The following ATP9A variants were observed in gnomAD, a reference collection of about 807,000 sequenced individuals.
ATP9A encodes probable phospholipid-transporting ATPase IIA.
Under a neutral mutation model 144.1 loss-of-function variants are expected in ATP9A, and 52 were observed. The ratio of observed to expected loss-of-function variants is 0.36; its 90% confidence interval spans 0.29 to 0.45. The LOEUF is 0.45. ATP9A is among the 20% of genes least tolerant of loss of function. The pLI, the probability that ATP9A is intolerant of heterozygous loss-of-function variation, is 1.00. For missense variants in ATP9A, 947 were observed against 1,392.7 expected (o/e 0.68, Z 5.09); for synonymous variants, 582 against 557.4 (o/e 1.04, Z -0.62).
intron 14 of ATP9A, among the ~76,000 whole-genome samples, chr20:51,644,267 C>CTTTTTTTT (rs772071945): frequency 1.4e-4 from 11 of 76,012 alleles, no homozygotes; most frequent in Non-Finnish European, 1.8e-4. Context: ...TTACTTCTAG[C>CTTTTTTTT]TTTTTTTTTT....
At chr20:51,753,454 AAACAACAAC>A (rs11472926) in intron 1 of ATP9A, among the ~76,000 whole-genome samples, 17,629 of 149,126 alleles carry the variant, frequency 0.12, 2,791 homozygotes, top group African/African-American at 0.37. Flanking sequence ...CCGTCTCAAA[AAACAACAAC>A]AACAACAACA....
rs61532574 is a variant in ATP9A at position 51,745,639 on chromosome 20, C to T, written c.69-15661G>A. Among the ~76,000 whole-genome samples, 1,267 of 152,048 alleles carry T rather than the reference C, an allele frequency of 8.3e-3. 23 individuals carry two copies. Among genetic ancestry groups the T allele is most frequent in the African/African-American group, 0.029 (1,202 of 41,472 alleles). ...TAAACATCCTACAATGCCCAGGAGA[C>T]CCCCCACCAGAGAGTGTAATCTGGC... On this transcript the variant is annotated intron_variant, in intron 1 of 27. Coordinates refer to ENST00000338821, the MANE Select transcript of ATP9A (RefSeq NM_006045.3).
At chr20:51,688,351 G>A (rs535376853) in intron 9 of ATP9A, among the ~76,000 whole-genome samples, 125 of 152,278 alleles carry the variant, frequency 8.2e-4, no homozygotes, top group African/African-American at 2.9e-3. Context: ...CCAGCACTTA[G>A]GGAGGCTGAG....
chr20:51,675,794 T>G (rs2077474372), intron 10 of ATP9A, among the ~76,000 whole-genome samples: 1 of 151,290 alleles, frequency 6.6e-6, no homozygotes, highest in African/African-American at 2.4e-5. Context: ...TTGGGAGGAT[T>G]GCTTGAGCCC....
rs1200895074 is a variant in ATP9A, at chr20:51,599,058, A to G, written c.*2153T>C. 1 of 152,150 alleles carries G rather than the reference A, an allele frequency of 6.6e-6. No individual in the cohort carries two copies. The highest frequency in any genetic ancestry group is 1.5e-5 in the Non-Finnish European group (1 of 68,028). 9.4% of individuals were successfully genotyped at this position (152,150 alleles called of 1,614,324 possible). A position where few individuals can be genotyped will look rare whatever the true frequency, so the allele number is the denominator to read the frequency against. ...TTTAAAAGTCAACTTGTGCACCTCA[A>G]TCAAAATTGAGAATTAAGGAAAAGG... On this transcript the variant is annotated 3_prime_UTR_variant, in exon 28 of 28. Transcript: ENST00000338821.
chr20:51,751,261 G>GTTTTTTTTTTT (rs201983884), intron 1 of ATP9A, among the ~76,000 whole-genome samples: 5 of 115,502 alleles, frequency 4.3e-5, no homozygotes, highest in Non-Finnish European at 3.5e-5. Context: ...GGTTTTTTTT[G>GTTTTTTTTTTT]TTTTTTTTTT....
At chr20:51,720,272 A>T (rs779352154) in intron 3 of ATP9A, among the ~76,000 whole-genome samples, 5 of 152,208 alleles carry the variant, frequency 3.3e-5, no homozygotes, top group Non-Finnish European at 7.3e-5. Context: ...GATAAATGTT[A>T]TTTTATATAC....
intron 14 of ATP9A, among the ~76,000 whole-genome samples, chr20:51,653,262 G>C (rs750412153): frequency 4.0e-5 from 6 of 151,680 alleles, no homozygotes; most frequent in Non-Finnish European, 8.8e-5. Context: ...ATCCACAGAA[G>C]AGATAAAGTA....
At chr20:51,605,073 G>T in intron 26 of ATP9A, 53 bp from the exon 27 acceptor site, 1 of 1,454,446 alleles carries the variant, frequency 6.9e-7, no homozygotes, top group Non-Finnish European at 9.2e-7. Context: ...AAAGCCGTGC[G>T]CTGCTCGCCT....
intron 4 of ATP9A, 95 bp from the exon 5 acceptor site, chr20:51,697,577 C>T: frequency 9.1e-7 from 1 of 1,102,998 alleles, no homozygotes; most frequent in South Asian, 1.3e-5. Context: ...ACACAATACA[C>T]CCAGAAGTAC....
At chr20:51,737,623 G>A (rs1025014863) in intron 1 of ATP9A, among the ~76,000 whole-genome samples, 1 of 152,278 alleles carries the variant, frequency 6.6e-6, no homozygotes, top group East Asian at 1.9e-4. Context: ...AAAGAGAATT[G>A]TTGGATGAAT....
chr20:51,716,796 A>C (rs916923044), intron 3 of ATP9A, among the ~76,000 whole-genome samples: 8 of 152,226 alleles, frequency 5.3e-5, no homozygotes, highest in Non-Finnish European at 1.0e-4. Flanking sequence ...TAAACCTCCC[A>C]ACAAACCAAG....
At chr20:51,760,584 G>A (rs368166973) in intron 1 of ATP9A, among the ~76,000 whole-genome samples, 14 of 152,072 alleles carry the variant, frequency 9.2e-5, no homozygotes, top group South Asian at 2.1e-4. Context: ...AAAATTAGCC[G>A]GGCATACTGG....
chr20:51,689,255 A>C lies in ATP9A; in HGVS notation c.724-116T>G. 5 of 1,069,840 alleles carry C rather than the reference A, an allele frequency of 4.7e-6. No homozygotes were observed. The South Asian group carries it at 7.5e-5, about 16-fold the overall frequency. The allele number at this position is 1,069,840 out of a possible 1,614,324, so 66.3% of individuals were successfully genotyped here. On this transcript the variant is annotated intron_variant, in intron 8 of 27. Coordinates refer to ENST00000338821, the MANE Select transcript of ATP9A (RefSeq NM_006045.3). ...GACAGGCTCCCCCCGATGAACCTGG[A>C]AGCCCAGTTTGGAAGCCGACGGCTC...
intron 15 of ATP9A, among the ~76,000 whole-genome samples, chr20:51,633,312 G>C (rs2077277233): frequency 6.6e-6 from 1 of 152,192 alleles, no homozygotes; most frequent in Non-Finnish European, 1.5e-5. Context: ...TTCAATGAGG[G>C]AGGAAGTTTA....
intron 1 of ATP9A, chr20:51,735,043 A>T (rs1275934173): frequency 5.0e-6 from 1 of 200,192 alleles, no homozygotes; most frequent in Non-Finnish European, 1.1e-5. Context: ...AAAAGTGCCC[A>T]CGCCCCTAAA....
chr20:51,666,409 G>A lies in ATP9A; in HGVS notation c.1293+3588C>T, dbSNP rs115108294. 7.0e-3 allele frequency among the ~76,000 whole-genome samples: 1,067 copies of A among 152,274 alleles called. 13 individuals carry two copies. The highest frequency in any genetic ancestry group is 0.024 in the African/African-American group (1,017 of 41,536). On this transcript the variant is annotated intron_variant, in intron 13 of 27. Coordinates refer to ENST00000338821, the MANE Select transcript of ATP9A (RefSeq NM_006045.3). ...CTTTACGAAACACTGGGCCAGGCAT[G>A]GTGACTCACGTCTGTAATCCCAGCA... is the stretch of plus-strand genomic sequence containing the variant.
At position 51,601,027 on chromosome 20, in the gene ATP9A, C is replaced by G. The variant is rs1331461960; in HGVS notation, c.*184G>C. On this transcript the variant is annotated 3_prime_UTR_variant, in exon 28 of 28. Coordinates refer to ENST00000338821, the MANE Select transcript of ATP9A (RefSeq NM_006045.3). ...CAGACAGGCCCAGATGGGTCTCTTT[C>G]AGGACCCTCCCTCCCGTTGATGCAG... 3 of 637,436 alleles carry G rather than the reference C, an allele frequency of 4.7e-6. No homozygotes were observed. In the African/African-American group the frequency reaches 5.5e-5, roughly 12 times the overall value. The allele number at this position is 637,436 out of a possible 1,614,324, so 39.5% of individuals were successfully genotyped here.
chr20:51,761,191 T>C (rs191272403), intron 1 of ATP9A, among the ~76,000 whole-genome samples: 1 of 152,148 alleles, frequency 6.6e-6, no homozygotes, highest in Non-Finnish European at 1.5e-5. Flanking sequence ...AGAGGAAACA[T>C]GAGTTCAGAG....
Sources: allele counts gnomAD v4.1 joint callset (sites outside exome capture counted in the v4.1 genomes callset), GRCh38; gene constraint gnomAD v4.1.1; transcripts MANE v1.5; gene names NCBI Gene and HGNC (gene_info 2026-07-23, HGNC 2026-07-21).